Variants in PINX1 observed in about 807,000 individuals in gnomAD.
PINX1 encodes the protein PIN2 (TERF1) interacting telomerase inhibitor 1.
A neutral mutation model predicts 25.4 loss-of-function variants in PINX1; 34 were observed. The ratio of observed to expected loss-of-function variants is 1.34; its 90% CI spans 1.02 to 1.78. The LOEUF is 1.78. PINX1 is among the 40% of genes most tolerant of loss of function. The probability of loss-of-function intolerance (pLI) is 0.00; values close to 1 mark genes in which losing one functional copy is unlikely to be tolerated. For synonymous variants in PINX1, 197 were observed against 147.7 expected, an observed-to-expected ratio of 1.33 and a Z score of -2.42; for missense variants, 592 against 404.9, an observed-to-expected ratio of 1.46 and a Z score of -3.97.
At chr8:10,800,384 G>A (rs1802228686) in intron 6 of PINX1, among the ~76,000 whole-genome samples, 1 of 151,956 alleles carries the variant, frequency 6.6e-6, no homozygotes, top group South Asian at 2.1e-4. Context: ...TGAAAGAGCT[G>A]TTATAAGTAA....
Position 10,831,685 on chromosome 8 carries a change from C to T in PINX1, c.281G>A (p.Cys94Tyr), listed in dbSNP as rs1378244808. ...CCTACCTGTGGTTTCCTGCCCATGGCAAGTGTTCAGTTCGGCCAGAAGCTG... is the reference window on the plus strand; with the variant it reads ...CCTACCTGTGGTTTCCTGCCCATGGTAAGTGTTCAGTTCGGCCAGAAGCTG... ...FNQLLAELNT[C>Y]HGQETTDSSD... is the part of the protein sequence containing the mutation. Residue 94 changes from cysteine to tyrosine, a missense_variant, in exon 4 of 7, where the codon TGC (cysteine) becomes TAC (tyrosine). Physicochemically the swap from Cys to Tyr is radical, Grantham distance 194 (BLOSUM62 -2). Coordinates refer to ENST00000314787, the MANE Select transcript of PINX1 (RefSeq NM_017884.6). 2 of 1,602,584 alleles carry T rather than the reference C, an allele frequency of 1.2e-6. No individual in the cohort carries two copies. The highest frequency in any genetic ancestry group is 1.3e-5 in the African/African-American group (1 of 74,760).
At chr8:10,825,568 G>A (rs979452764) in intron 5 of PINX1, 4 of 437,306 alleles carry the variant, frequency 9.1e-6, no homozygotes, top group Non-Finnish European at 1.9e-5. Context: ...CTGGGAAGGG[G>A]CTAGGGAGGT....
At chr8:10,821,410 G>T (rs960870503) in intron 5 of PINX1, among the ~76,000 whole-genome samples, 7 of 152,236 alleles carry the variant, frequency 4.6e-5, no homozygotes, top group Non-Finnish European at 1.0e-4. Context: ...AGTGGCCCAG[G>T]CGGTATGACC....
At chr8:10,820,169 C>T (rs765502239) in intron 6 of PINX1, 24 bp downstream of exon 6, 5 of 1,460,982 alleles carry the variant, frequency 3.4e-6, no homozygotes, top group Admixed American at 3.4e-5. Flanking sequence ...AAGCGGAACA[C>T]GGAAACTGTA....
chr8:10,769,129 A>G (rs1801147506), intron 6 of PINX1, among the ~76,000 whole-genome samples: 1 of 152,218 alleles, frequency 6.6e-6, no homozygotes, highest in South Asian at 2.1e-4. Context: ...ATAAAATACT[A>G]CCAAGAAATA....
chr8:10,800,876 C>T (rs1165464818), intron 6 of PINX1, among the ~76,000 whole-genome samples: 1 of 152,212 alleles, frequency 6.6e-6, no homozygotes, highest in East Asian at 1.9e-4. Context: ...GATCCAGGCG[C>T]TCAGCTTACA....
At chr8:10,796,539 C>T (rs1359787356) in intron 6 of PINX1, among the ~76,000 whole-genome samples, 4 of 152,136 alleles carry the variant, frequency 2.6e-5, no homozygotes, top group Admixed American at 6.5e-5. Flanking sequence ...GGCTGCTGTT[C>T]TCTTTGTTTA....
At chr8:10,838,922 A>C (rs1222376394) in intron 1 of PINX1, among the ~76,000 whole-genome samples, 2 of 152,160 alleles carry the variant, frequency 1.3e-5, no homozygotes, top group African/African-American at 4.8e-5. Flanking sequence ...TAGAAAAGAG[A>C]GTGCTAACAG....
At chr8:10,833,275 A>C (rs754947295) in intron 2 of PINX1, among the ~76,000 whole-genome samples, 3 of 152,202 alleles carry the variant, frequency 2.0e-5, no homozygotes, top group African/African-American at 4.8e-5. Context: ...TCTGCAAATT[A>C]AGGAATGAAG....
intron 6 of PINX1, among the ~76,000 whole-genome samples, chr8:10,766,274 C>T (rs571817413): frequency 6.6e-6 from 1 of 152,310 alleles, no homozygotes; most frequent in Non-Finnish European, 1.5e-5. Flanking sequence ...ACTAAGCTCC[C>T]AGAATCTCCC....
At chr8:10,807,891 G>A (rs972486145) in intron 6 of PINX1, among the ~76,000 whole-genome samples, 6 of 152,244 alleles carry the variant, frequency 3.9e-5, no homozygotes, top group East Asian at 3.9e-4. Context: ...TGAGGGAGCC[G>A]GGAGGTGGAA....
intron 6 of PINX1, among the ~76,000 whole-genome samples, chr8:10,767,216 G>C (rs575885633): frequency 6.6e-6 from 1 of 152,110 alleles, no homozygotes; most frequent in African/African-American, 2.4e-5. Flanking sequence ...TGCTTGTGCA[G>C]GTAACTGAAT....
chr8:10,822,005 T>C (rs1223063759), intron 5 of PINX1: 2 of 152,214 alleles, frequency 1.3e-5, no homozygotes, highest in African/African-American at 4.8e-5. Flanking sequence ...TCAATGAAGG[T>C]GCAAATGTGT....
chr8:10,825,540 C>A, intron 5 of PINX1: 1 of 508,292 alleles, frequency 2.0e-6, no homozygotes, highest in Non-Finnish European at 4.1e-6. Context: ...CAACCGCATG[C>A]ACAAATGATT....
intron 5 of PINX1, chr8:10,825,300 T>C: frequency 3.7e-6 from 2 of 533,604 alleles, no homozygotes; most frequent in Non-Finnish European, 7.7e-6. Context: ...AGCAGAGATG[T>C]GCTGTTCCTG....
chr8:10,773,565 C>A (rs1801296778), intron 6 of PINX1, among the ~76,000 whole-genome samples: 1 of 152,220 alleles, frequency 6.6e-6, no homozygotes, highest in Non-Finnish European at 1.5e-5. Context: ...GACAGAATAG[C>A]TTGGCTGGAC....
chr8:10,832,362 C>G (rs1015120058), intron 3 of PINX1, among the ~76,000 whole-genome samples: 1 of 152,208 alleles, frequency 6.6e-6, no homozygotes, highest in Non-Finnish European at 1.5e-5. Context: ...GTGTACGAAT[C>G]TGCCTTACTC....
At chr8:10,825,980 G>A (rs1798025039) in intron 5 of PINX1, among the ~76,000 whole-genome samples, 172 bp downstream of exon 5, 1 of 152,220 alleles carries the variant, frequency 6.6e-6, no homozygotes, top group African/African-American at 2.4e-5. Flanking sequence ...ATTCTAACAA[G>A]ATCCTCAGGC....
At chr8:10,791,535 C>A (rs1265748879) in intron 6 of PINX1, among the ~76,000 whole-genome samples, 1 of 152,188 alleles carries the variant, frequency 6.6e-6, no homozygotes, top group African/African-American at 2.4e-5. Context: ...TAAACTCCAA[C>A]TGAGAATAAA....
Sources: gnomAD v4.1 joint callset for allele counts (sites outside exome capture counted in the v4.1 genomes callset) on GRCh38, gnomAD v4.1.1 for gene constraint, MANE v1.5 for transcripts, NCBI Gene and HGNC (gene_info 2026-07-23, HGNC 2026-07-21) for gene names.